Variants in PELI1 observed in about 807,000 individuals in gnomAD.
PELI1 encodes E3 ubiquitin-protein ligase pellino homolog 1.
A neutral mutation model predicts 41.3 loss-of-function variants in PELI1; 15 were observed. That is an observed-to-expected ratio of 0.36 (90% CI 0.24 to 0.56). The LOEUF is 0.56. Among genes scored for constraint, PELI1 ranks in the 20% least tolerant of loss-of-function variants. PELI1 has a pLI of 0.82. For missense variants in PELI1, 403 were observed against 525.5 expected (o/e 0.77, Z 2.28); for synonymous variants, 178 against 180.1 (o/e 0.99, Z 0.09).
Position 64,093,352 on chromosome 2 carries a change from T to C in PELI1, c.*1350A>G, listed in dbSNP as rs1680115550. The C allele has an allele frequency of 1.3e-5, 2 of 152,632 alleles. No homozygotes were observed. The highest frequency in any genetic ancestry group is 2.9e-5 in the Non-Finnish European group (2 of 68,042). The allele number at this position is 152,632 out of a possible 1,614,324, so 9.5% of individuals were successfully genotyped here. A position where few individuals can be genotyped will look rare whatever the true frequency, so the allele number is the denominator to read the frequency against. On this transcript the variant is annotated 3_prime_UTR_variant, in exon 7 of 7. Coordinates refer to ENST00000358912, the MANE Select transcript of PELI1 (RefSeq NM_020651.4). ...AACAAATCAAAATATTAAAAGAAGATACTGTCTAATCTAAAAGTGTACTGG... is the reference window on the plus strand; with the variant it reads ...AACAAATCAAAATATTAAAAGAAGACACTGTCTAATCTAAAAGTGTACTGG...
intron 1 of PELI1, among the ~76,000 whole-genome samples, chr2:64,109,082 T>C (rs1290084656): frequency 1.3e-5 from 2 of 152,170 alleles, no homozygotes; most frequent in African/African-American, 4.8e-5. Flanking sequence ...GCCAGGACTT[T>C]CACCCTGATG....
At chr2:64,124,447 T>G (rs189666165) in intron 1 of PELI1, among the ~76,000 whole-genome samples, 1 of 152,190 alleles carries the variant, frequency 6.6e-6, no homozygotes, top group Non-Finnish European at 1.5e-5. Flanking sequence ...TTATGCAACT[T>G]TATAACCTAC....
chr2:64,119,607 G>A (rs749152658), intron 1 of PELI1, among the ~76,000 whole-genome samples: 1 of 152,198 alleles, frequency 6.6e-6, no homozygotes, highest in Non-Finnish European at 1.5e-5. Context: ...ACTGAAGTGA[G>A]AATTCACTTC....
chr2:64,118,388 T>C (rs950376021), intron 1 of PELI1, among the ~76,000 whole-genome samples: 24 of 152,152 alleles, frequency 1.6e-4, no homozygotes, highest in Admixed American at 1.6e-3. Flanking sequence ...TTCTCACAAA[T>C]AGATTAGAAA....
intron 1 of PELI1, among the ~76,000 whole-genome samples, chr2:64,133,269 G>A (rs976950329): frequency 1.6e-4 from 25 of 152,018 alleles, no homozygotes; most frequent in Non-Finnish European, 3.5e-4. Context: ...TGCTATCCCT[G>A]ACTACAAAGA....
chr2:64,131,099 C>T (rs924064532), intron 1 of PELI1, among the ~76,000 whole-genome samples: 4 of 152,044 alleles, frequency 2.6e-5, no homozygotes, highest in East Asian at 1.9e-4. Context: ...AGAGAACCTT[C>T]GTTTTCATGG....
At chr2:64,110,390 A>G (rs1175192219) in intron 1 of PELI1, among the ~76,000 whole-genome samples, 1 of 152,156 alleles carries the variant, frequency 6.6e-6, no homozygotes, top group Non-Finnish European at 1.5e-5. Flanking sequence ...AGTATTTTTC[A>G]GGTGCTGACA....
chr2:64,110,247 G>GAAAAAAAAAAAAA (rs796716135), intron 1 of PELI1, among the ~76,000 whole-genome samples: 2 of 100,798 alleles, frequency 2.0e-5, no homozygotes, highest in African/African-American at 3.3e-5. Context: ...TCCGTCTCAA[G>GAAAAAAAAAAAAA]AAAAAAAAAA....
At chr2:64,116,257 CCAAA>C (rs1377760282) in intron 1 of PELI1, among the ~76,000 whole-genome samples, 1 of 152,104 alleles carries the variant, frequency 6.6e-6, no homozygotes, top group Non-Finnish European at 1.5e-5. Flanking sequence ...AACTAAGAAC[CCAAA>C]CAGTTTTATT....
chr2:64,095,349 T>G, intron 6 of PELI1, 81 bp from the exon 7 acceptor site: 1 of 811,380 alleles, frequency 1.2e-6, no homozygotes, highest in South Asian at 1.8e-5. Context: ...TAAGTACTCC[T>G]TACTCAAGAA....
chr2:64,104,945 A>AT (rs1680573247), intron 2 of PELI1, 115 bp from the exon 3 acceptor site: 8 of 792,686 alleles, frequency 1.0e-5, no homozygotes, highest in Non-Finnish European at 1.5e-5. Context: ...TTAACACATT[A>AT]TAATTATTTA....
chr2:64,119,336 T>C (rs755154640), intron 1 of PELI1, among the ~76,000 whole-genome samples: 1 of 152,224 alleles, frequency 6.6e-6, no homozygotes, highest in Non-Finnish European at 1.5e-5. Context: ...ACCTGAAGCA[T>C]TGACAATGTG....
rs143200166 is a variant in PELI1 at position 64,111,813 on chromosome 2, T to C, written c.-69-3434A>G. Among the ~76,000 whole-genome samples the C allele has an allele frequency of 3.7e-3, 566 of 152,276 alleles. 1 individual carries two copies. The highest frequency in any genetic ancestry group is 5.1e-3 in the Non-Finnish European group (345 of 68,014). On this transcript the variant is annotated intron_variant, in intron 1 of 6. Coordinates refer to ENST00000358912, the MANE Select transcript of PELI1 (RefSeq NM_020651.4). ...TAAACATGTATTCATGCCCTCTCAT[T>C]TCCCCTCTAAGAAGCATTTCATTTA...
intron 1 of PELI1, among the ~76,000 whole-genome samples, chr2:64,118,248 G>T (rs531427653): frequency 9.8e-4 from 149 of 152,104 alleles, no homozygotes; most frequent in African/African-American, 3.5e-3. Context: ...CTTGATTATT[G>T]TTATGTTAGC....
At chr2:64,113,167 T>C (rs896159365) in intron 1 of PELI1, among the ~76,000 whole-genome samples, 1 of 151,870 alleles carries the variant, frequency 6.6e-6, no homozygotes, top group Non-Finnish European at 1.5e-5. Flanking sequence ...CCAAATGTCA[T>C]GGCATGCACC....
intron 1 of PELI1, among the ~76,000 whole-genome samples, chr2:64,138,031 C>A (rs904052296): frequency 6.6e-6 from 1 of 152,196 alleles, no homozygotes; most frequent in African/African-American, 2.4e-5. Context: ...TCTTCTCTAA[C>A]CTTCCTTTCC....
chr2:64,094,479 C>A lies in PELI1; in HGVS notation c.*223G>T, dbSNP rs1680159451. On this transcript the variant is annotated 3_prime_UTR_variant, in exon 7 of 7. Coordinates refer to ENST00000358912, the MANE Select transcript of PELI1 (RefSeq NM_020651.4). ...TCTTTTTCTCCTCAAAATATATTTTCAAAACTCAGAATTCAGAAGACTGAT... is the reference window on the plus strand; with the variant it reads ...TCTTTTTCTCCTCAAAATATATTTTAAAAACTCAGAATTCAGAAGACTGAT... 2 of 452,254 alleles carry A rather than the reference C, an allele frequency of 4.4e-6. No homozygotes were observed. Among genetic ancestry groups the A allele is most frequent in the South Asian group, 3.9e-5 (1 of 25,366 alleles). The allele number at this position is 452,254 out of a possible 1,614,324, so 28.0% of individuals were successfully genotyped here.
At chr2:64,141,686 C>A (rs1009226811) in intron 1 of PELI1, among the ~76,000 whole-genome samples, 1 of 152,190 alleles carries the variant, frequency 6.6e-6, no homozygotes, top group Non-Finnish European at 1.5e-5. Context: ...CCAGAAGAGG[C>A]TGAACTTAAA....
At chr2:64,138,983 A>G (rs1213644992) in intron 1 of PELI1, among the ~76,000 whole-genome samples, 1 of 152,194 alleles carries the variant, frequency 6.6e-6, no homozygotes, top group East Asian at 1.9e-4. Context: ...CTCCCTTTCA[A>G]TATTTTGAAG....
Sources: gnomAD v4.1 joint callset for allele counts (sites outside exome capture counted in the v4.1 genomes callset) on GRCh38, gnomAD v4.1.1 for gene constraint, MANE v1.5 for transcripts, NCBI Gene and HGNC (gene_info 2026-07-23, HGNC 2026-07-21) for gene names.